The following GRIK4 variants were observed in gnomAD, a reference collection of about 807,000 sequenced individuals.
GRIK4 encodes glutamate ionotropic receptor kainate type subunit 4.
A neutral mutation model predicts 104.9 loss-of-function variants in GRIK4; 40 were observed. The ratio of observed to expected loss-of-function variants is 0.38; its 90% CI spans 0.30 to 0.50. The LOEUF is 0.50. Among genes scored for constraint, GRIK4 ranks in the 20% least tolerant of loss-of-function variants. GRIK4 has a pLI of 0.93. For synonymous variants in GRIK4, 485 were observed against 524.9 expected (o/e 0.92, Z 1.04); for missense variants, 1,047 against 1,308.1 (o/e 0.80, Z 3.08).
chr11:120,830,391 C>T (rs975376025), intron 6 of GRIK4, among the ~76,000 whole-genome samples: 6 of 152,106 alleles, frequency 3.9e-5, no homozygotes, highest in Non-Finnish European at 8.8e-5. Flanking sequence ...GCTGTGTCCC[C>T]GTGTCTCTGT....
At chr11:120,856,901 C>T (rs978795099) in intron 8 of GRIK4, among the ~76,000 whole-genome samples, 2 of 152,190 alleles carry the variant, frequency 1.3e-5, no homozygotes, top group African/African-American at 2.4e-5. Context: ...TGGGACTTGC[C>T]TGCTTAGCCC....
At chr11:120,528,126 G>A (rs1348087791) in intron 1 of GRIK4, among the ~76,000 whole-genome samples, 1 of 152,028 alleles carries the variant, frequency 6.6e-6, no homozygotes, top group Non-Finnish European at 1.5e-5. Flanking sequence ...ACAATGCTCA[G>A]CTATTTTTTA....
chr11:120,595,952 T>C lies in GRIK4; in HGVS notation c.-158-57733T>C, dbSNP rs567372769. On this transcript the variant is annotated intron_variant, in intron 1 of 20. Coordinates refer to ENST00000527524, the MANE Select transcript of GRIK4 (RefSeq NM_014619.5). The stretch of plus-strand genomic sequence containing the variant: ...ACTTCCACCTCCCGGGTTCAAGCGA[T>C]TCTTGTGCCTCACCCTCCTGAGTAG... Among the ~76,000 whole-genome samples the C allele has an allele frequency of 5.2e-5, 8 of 152,382 alleles. No homozygotes were observed. In the South Asian group the frequency reaches 1.7e-3, roughly 32 times the overall value.
rs1040666432 is a variant in GRIK4 at position 120,513,909 on chromosome 11, C to T, written c.-159+2022C>T. Among the ~76,000 whole-genome samples, 10 of 152,206 alleles carry T rather than the reference C, an allele frequency of 6.6e-5. No homozygotes were observed. Among genetic ancestry groups the T allele is most frequent in the African/African-American group, 1.2e-4 (5 of 41,444 alleles). On this transcript the variant is annotated intron_variant, in intron 1 of 20. Transcript: ENST00000527524. The surrounding 1 kb of genome is among the most constrained non-coding windows in gnomAD (Gnocchi z 4.5). ...TGAAAATTCTTCCGAGAGCCTGGGT[C>T]GGCTTCGTGGTCTGATTTCCACTTT...
intron 1 of GRIK4, among the ~76,000 whole-genome samples, chr11:120,571,566 A>G (rs1390911447): frequency 6.6e-6 from 1 of 152,062 alleles, no homozygotes; most frequent in Non-Finnish European, 1.5e-5. Context: ...GGTTTACATC[A>G]GGTGTTCCTC....
intron 3 of GRIK4, among the ~76,000 whole-genome samples, chr11:120,720,570 G>A (rs1209549048): frequency 2.0e-5 from 3 of 152,158 alleles, no homozygotes; most frequent in Non-Finnish European, 4.4e-5. Context: ...GGACTGAAAG[G>A]AACTAAGCTT....
intron 1 of GRIK4, among the ~76,000 whole-genome samples, chr11:120,642,883 A>C (rs1591762805): frequency 6.6e-6 from 1 of 152,168 alleles, no homozygotes; most frequent in Non-Finnish European, 1.5e-5. Flanking sequence ...GGAGGCATTA[A>C]ATCTACGTGC....
intron 1 of GRIK4, among the ~76,000 whole-genome samples, chr11:120,642,698 C>T (rs1006069138): frequency 6.6e-6 from 1 of 152,188 alleles, no homozygotes; most frequent in Non-Finnish European, 1.5e-5. Flanking sequence ...ATCCTGCCTT[C>T]AGCGGGGCTC....
At chr11:120,556,857 C>G (rs1948192150) in intron 1 of GRIK4, among the ~76,000 whole-genome samples, 2 of 152,176 alleles carry the variant, frequency 1.3e-5, no homozygotes, top group Admixed American at 1.3e-4. Context: ...TTGAGCTCAA[C>G]TCTGCGCGGG....
intron 11 of GRIK4, among the ~76,000 whole-genome samples, chr11:120,878,223 G>C (rs1449879404): frequency 6.6e-6 from 1 of 152,198 alleles, no homozygotes; most frequent in Non-Finnish European, 1.5e-5. Flanking sequence ...ATGTAGACGT[G>C]CACCAGGATG....
At chr11:120,535,401 G>A (rs1428745475) in intron 1 of GRIK4, among the ~76,000 whole-genome samples, 1 of 151,804 alleles carries the variant, frequency 6.6e-6, no homozygotes, top group Non-Finnish European at 1.5e-5. Context: ...AGGGAAGGAG[G>A]GAAGAAGGAG....
In GRIK4 at chr11:120,962,549, AG is replaced by A; in HGVS notation, c.2137del (p.Val713CysfsTer2). ...GAAGAGCACAGAGGAGGGAATCGCC[AG>A]GGTGTTGAATTCCAACTACGCCTTC... is the stretch of plus-strand genomic sequence containing the variant. ...FVKSTEEGIA[R>X]VLNSNYAFLL... is the part of the protein sequence containing the mutation. On this transcript the variant is annotated frameshift_variant, in exon 18 of 21. Coordinates refer to ENST00000527524, the MANE Select transcript of GRIK4 (RefSeq NM_014619.5). LOFTEE classifies it high-confidence loss of function. 1 of 1,614,010 alleles carries A rather than the reference AG, an allele frequency of 6.2e-7. No individual in the cohort carries two copies. The highest frequency in any genetic ancestry group is 8.5e-7 in the Non-Finnish European group (1 of 1,179,852).
At chr11:120,552,126 G>C (rs1334530489) in intron 1 of GRIK4, among the ~76,000 whole-genome samples, 2 of 152,216 alleles carry the variant, frequency 1.3e-5, no homozygotes, top group Non-Finnish European at 2.9e-5. Context: ...AAGCTGGGTG[G>C]CCAGAATTTC....
intron 1 of GRIK4, among the ~76,000 whole-genome samples, chr11:120,598,043 C>A (rs7105963): frequency 6.6e-6 from 1 of 151,980 alleles, no homozygotes; most frequent in Non-Finnish European, 1.5e-5. Flanking sequence ...CAGAGCCAAG[C>A]GGCTGTTTTA....
At chr11:120,532,365 G>A (rs1266832663) in intron 1 of GRIK4, among the ~76,000 whole-genome samples, 6 of 152,160 alleles carry the variant, frequency 3.9e-5, no homozygotes, top group African/African-American at 9.7e-5. Context: ...CCCAGGAGTC[G>A]GGTGGCCCTG....
At chr11:120,860,064 A>G (rs536734696) in intron 8 of GRIK4, among the ~76,000 whole-genome samples, 5 of 152,196 alleles carry the variant, frequency 3.3e-5, no homozygotes, top group Admixed American at 6.5e-5. Context: ...CCTGGAGGAA[A>G]GCAATCTTTC....
Position 120,512,995 on chromosome 11 carries a change from C to T in GRIK4, c.-159+1108C>T, listed in dbSNP as rs1003496329. Among the ~76,000 whole-genome samples, 5 of 152,154 alleles carry T rather than the reference C, an allele frequency of 3.3e-5. No homozygotes were observed. In the South Asian group the frequency reaches 1.0e-3, roughly 31 times the overall value. Reference sequence around the variant, plus strand: ...GGCTGCGTGGCTCTTGGCATCTGTACTTGATGCTGCCATCTTCCTCTTGGT... The same window carrying T: ...GGCTGCGTGGCTCTTGGCATCTGTATTTGATGCTGCCATCTTCCTCTTGGT... On this transcript the variant is annotated intron_variant, in intron 1 of 20. Transcript: ENST00000527524.
rs1025602662 is a variant in GRIK4, at chr11:120,986,522, C to G, written c.*262C>G. ...TCCTGGGCACAAGGACCCATCTTCT[C>G]CCAGTGGGTCTTTCCCTCTCGCCAA... On this transcript the variant is annotated 3_prime_UTR_variant, in exon 21 of 21. Transcript: ENST00000527524. 6.4e-6 allele frequency: 3 copies of G among 469,740 alleles called. No homozygotes were observed. Among genetic ancestry groups the G allele is most frequent in the African/African-American group, 4.2e-5 (2 of 47,952 alleles). 29.1% of individuals were successfully genotyped at this position (469,740 alleles called of 1,614,324 possible). A position where few individuals can be genotyped will look rare whatever the true frequency, so the allele number is the denominator to read the frequency against.
intron 1 of GRIK4, among the ~76,000 whole-genome samples, chr11:120,611,912 G>T (rs1179094330): frequency 2.0e-5 from 3 of 152,186 alleles, no homozygotes; most frequent in Non-Finnish European, 4.4e-5. Flanking sequence ...GATGAATCCT[G>T]AGTTCTTTTG....
Sources: allele counts gnomAD v4.1 joint callset (sites outside exome capture counted in the v4.1 genomes callset), GRCh38; gene constraint gnomAD v4.1.1; non-coding constraint Gnocchi (gnomAD v3.1); transcripts MANE v1.5; gene names NCBI Gene and HGNC (gene_info 2026-07-23, HGNC 2026-07-21).